Variants in TLDC2 observed in about 807,000 individuals in gnomAD.
TLDC2 encodes the protein TBC/LysM-associated domain containing 2.
In TLDC2, 23 loss-of-function variants were observed where a neutral mutation model predicts 27.9. That is an observed-to-expected ratio of 0.82 (90% CI 0.59 to 1.17). TLDC2 has a LOEUF of 1.17. TLDC2 is among the 50% of genes most tolerant of loss of function. The pLI, the probability that TLDC2 is intolerant of heterozygous loss-of-function variation, is 0.00. For missense variants in TLDC2, 286 were observed against 273.4 expected (o/e 1.05, Z -0.32); for synonymous variants, 124 against 107.4 (o/e 1.16, Z -0.96).
rs778270212 is a variant in TLDC2 at position 36,887,440 on chromosome 20, C to T, written c.439-15C>T. ...CTCGCTTAGTAACCTGAGCCTTTCC[C>T]TATGTATCACCCAGGTCTTTAAGTG... On this transcript the variant is annotated splice_polypyrimidine_tract_variant and intron_variant, in intron 4 of 6. Transcript: ENST00000217320. The T allele has an allele frequency of 6.8e-5, 110 of 1,611,584 alleles. No individual in the cohort carries two copies. Among genetic ancestry groups the T allele is most frequent in the Admixed American group, 1.7e-5 (1 of 59,982 alleles).
chr20:36,880,829 C>A (rs1989799606), intron 4 of TLDC2, 79 bp downstream of exon 4: 1 of 1,301,354 alleles, frequency 7.7e-7, no homozygotes, highest in Non-Finnish European at 1.1e-6. Flanking sequence ...GCTCCCAGCT[C>A]CATCCTCCAC....
intron 3 of TLDC2, among the ~76,000 whole-genome samples, chr20:36,880,150 G>A: frequency 7.9e-6 from 1 of 125,938 alleles, no homozygotes; most frequent in East Asian, 2.5e-4. Context: ...TTGGAGTGTA[G>A]TGGTGCAATC....
In TLDC2 at chr20:36,877,969, C is replaced by T; in HGVS notation, c.104C>T (p.Pro35Leu). 1 of 1,614,154 alleles carries T rather than the reference C, an allele frequency of 6.2e-7. No homozygotes were observed. Among genetic ancestry groups the T allele is most frequent in the African/African-American group, 1.3e-5 (1 of 75,064 alleles). The change falls in exon 2 of 7, where the codon CCA (proline) becomes CTA (leucine). Residue 35 changes from proline to leucine, a missense_variant. Pro to Leu is a moderately conservative substitution (Grantham distance 98). Coordinates refer to ENST00000217320, the MANE Select transcript of TLDC2 (RefSeq NM_080628.3). Reference protein sequence around the residue: ...NEEEEEEEAAPDPAAAPEDPT... With the variant: ...NEEEEEEEAALDPAAAPEDPT... The stretch of plus-strand genomic sequence containing the variant: ...GAGGAAGAGGAGGAGGAGGCAGCTC[C>T]AGACCCAGCTGCTGCTCCTGAGGAT...
intron 6 of TLDC2, 131 bp downstream of exon 6, chr20:36,889,534 C>A: frequency 8.6e-7 from 1 of 1,156,594 alleles, no homozygotes; most frequent in Non-Finnish European, 1.2e-6. Context: ...GGCCTGGGGA[C>A]CCAAGATACA....
At position 36,880,058 on chromosome 20, in the gene TLDC2, A is replaced by AATATATATATACATATATATATATAT. The variant is rs1250892372; in HGVS notation, c.343-585_343-560dup. Among the ~76,000 whole-genome samples, 3 of 36,320 alleles carry AATATATATATACATATATATATATAT rather than the reference A, an allele frequency of 8.3e-5. No individual in the cohort carries two copies. In the Admixed American group the frequency reaches 1.0e-3, roughly 12 times the overall value. The allele number at this position is 36,320 out of a possible 152,430, so 23.8% of individuals were successfully genotyped here. On this transcript the variant is annotated intron_variant, in intron 3 of 6. Transcript: ENST00000217320. ...CTTTTTTCTGTGATTACTTGTGTAG[A>AATATATATATACATATATATATATAT]ATATATATATACATATATATATATA...
chr20:36,890,318 G>A (rs1990029911), intron 6 of TLDC2: 1 of 151,966 alleles, frequency 6.6e-6, no homozygotes, highest in African/African-American at 2.4e-5. Context: ...CATTCCCAAG[G>A]TAACCACGTT....
chr20:36,886,600 G>C (rs895652081), intron 4 of TLDC2, among the ~76,000 whole-genome samples: 1 of 152,042 alleles, frequency 6.6e-6, no homozygotes, highest in Admixed American at 6.6e-5. Context: ...TCAAAAGAGA[G>C]AGAAAAAAAA....
At chr20:36,878,481 T>G (rs1279992657) in intron 2 of TLDC2, among the ~76,000 whole-genome samples, 1 of 152,094 alleles carries the variant, frequency 6.6e-6, no homozygotes, top group Non-Finnish European at 1.5e-5. Flanking sequence ...CTCGGGAGGC[T>G]GAGGCACAAG....
At chr20:36,881,288 G>A (rs1244035521) in intron 4 of TLDC2, among the ~76,000 whole-genome samples, 1 of 152,102 alleles carries the variant, frequency 6.6e-6, no homozygotes, top group Non-Finnish European at 1.5e-5. Context: ...GCTGATACGG[G>A]AGGATCGTTT....
chr20:36,888,323 C>A lies in TLDC2; in HGVS notation c.512+795C>A, dbSNP rs1380085950. On this transcript the variant is annotated intron_variant, in intron 5 of 6. Coordinates refer to ENST00000217320, the MANE Select transcript of TLDC2 (RefSeq NM_080628.3). Reference sequence around the variant, plus strand: ...CTCAGCTCACCACACCCTCCGACTCCTGGGTTCAAGTGATTCTCCTGCCTC... The same window carrying A: ...CTCAGCTCACCACACCCTCCGACTCATGGGTTCAAGTGATTCTCCTGCCTC... Among the ~76,000 whole-genome samples, 5 of 151,908 alleles carry A rather than the reference C, an allele frequency of 3.3e-5. No individual in the cohort carries two copies. The South Asian group carries it at 1.0e-3, about 32-fold the overall frequency.
chr20:36,878,258 T>C (rs189500116), intron 2 of TLDC2, among the ~76,000 whole-genome samples: 1 of 152,258 alleles, frequency 6.6e-6, no homozygotes, highest in Non-Finnish European at 1.5e-5. Flanking sequence ...CACCTCCCTC[T>C]ACACTGGGCC....
intron 5 of TLDC2, among the ~76,000 whole-genome samples, chr20:36,887,791 A>C (rs1291139): frequency 1.3e-5 from 2 of 152,062 alleles, no homozygotes; most frequent in Non-Finnish European, 2.9e-5. Flanking sequence ...ACTTTGGGAA[A>C]AGAATTCCAC....
rs1990139698 is a variant in TLDC2, at chr20:36,893,806, C to T, written c.*962C>T. ...CTCATCTGCTTATTTGCTCTCAGAT[C>T]CATTCTTCACTCTTCCTCTCCCTAC... On this transcript the variant is annotated 3_prime_UTR_variant, in exon 7 of 7. Coordinates refer to ENST00000217320, the MANE Select transcript of TLDC2 (RefSeq NM_080628.3). 7.5e-6 allele frequency: 3 copies of T among 398,118 alleles called. No individual in the cohort carries two copies. Among genetic ancestry groups the T allele is most frequent in the Non-Finnish European group, 1.3e-5 (3 of 225,922 alleles). The allele number at this position is 398,118 out of a possible 1,614,324, so 24.7% of individuals were successfully genotyped here. A position where few individuals can be genotyped will look rare whatever the true frequency, so the allele number is the denominator to read the frequency against.
intron 2 of TLDC2, among the ~76,000 whole-genome samples, chr20:36,878,482 G>A (rs1223672411): frequency 6.6e-6 from 1 of 152,158 alleles, no homozygotes; most frequent in East Asian, 1.9e-4. Context: ...TCGGGAGGCT[G>A]AGGCACAAGA....
In TLDC2 at chr20:36,893,722, C is replaced by T. The variant is rs188422027; in HGVS notation, c.*878C>T. 9.5e-4 allele frequency: 373 copies of T among 394,174 alleles called. 1 individual carries two copies. Among genetic ancestry groups the T allele is most frequent in the African/African-American group, 6.7e-3 (324 of 48,518 alleles). 24.4% of individuals were successfully genotyped at this position (394,174 alleles called of 1,614,324 possible). A position where few individuals can be genotyped will look rare whatever the true frequency, so the allele number is the denominator to read the frequency against. ...TCTTCTTTGGTTACAAGATGATGCA[C>T]GATCTTGGAGAGCCTCTGTTGTACC... On this transcript the variant is annotated 3_prime_UTR_variant, in exon 7 of 7. Coordinates refer to ENST00000217320, the MANE Select transcript of TLDC2 (RefSeq NM_080628.3).
intron 4 of TLDC2, among the ~76,000 whole-genome samples, chr20:36,881,702 G>A (rs773769627): frequency 6.6e-6 from 1 of 152,116 alleles, no homozygotes; most frequent in Non-Finnish European, 1.5e-5. Flanking sequence ...CATGGACAAC[G>A]GAACCTAAAC....
intron 4 of TLDC2, among the ~76,000 whole-genome samples, chr20:36,883,570 T>C (rs1298958462): frequency 6.6e-6 from 1 of 152,194 alleles, no homozygotes; most frequent in East Asian, 1.9e-4. Context: ...ACAGAAAATC[T>C]TGAAGTCTTC....
chr20:36,887,760 A>T (rs1989954909), intron 5 of TLDC2, among the ~76,000 whole-genome samples: 1 of 152,178 alleles, frequency 6.6e-6, no homozygotes, highest in Non-Finnish European at 1.5e-5. Flanking sequence ...AGCTGGTGAC[A>T]GTTTAGTCTG....
At chr20:36,883,686 C>CTGCCAT (rs1179364917) in intron 4 of TLDC2, among the ~76,000 whole-genome samples, 3 of 152,336 alleles carry the variant, frequency 2.0e-5, no homozygotes, top group African/African-American at 7.2e-5. Flanking sequence ...ATGTCCTTTA[C>CTGCCAT]TGCCATCTTG....
Sources: allele counts gnomAD v4.1 joint callset (sites outside exome capture counted in the v4.1 genomes callset), GRCh38; gene constraint gnomAD v4.1.1; transcripts MANE v1.5; gene names NCBI Gene and HGNC (gene_info 2026-07-23, HGNC 2026-07-21).